The following NELL1 variants were observed in gnomAD, a reference collection of about 807,000 sequenced individuals.
The protein encoded by NELL1 is protein kinase C-binding protein NELL1.
Under a neutral mutation model 107.4 loss-of-function variants are expected in NELL1, and 76 were observed. That is an observed-to-expected ratio of 0.71 (90% CI 0.59 to 0.86). The LOEUF is 0.86. NELL1 is among the 40% of genes least tolerant of loss of function. The pLI is 0.00. For synonymous variants in NELL1, 353 were observed against 341.2 expected (o/e 1.03, Z -0.38); for missense variants, 1,024 against 1,005.5 (o/e 1.02, Z -0.25).
At chr11:21,473,983 A>C (rs188566690) in intron 15 of NELL1, among the ~76,000 whole-genome samples, 38 of 152,162 alleles carry the variant, frequency 2.5e-4, no homozygotes, top group Middle Eastern at 3.4e-3. Flanking sequence ...AATATTTCCT[A>C]AGTACTGTTA....
rs1047095256 is a variant in NELL1 at position 21,189,902 on chromosome 11, A to G, written c.1427-39430A>G. On this transcript the variant is annotated intron_variant, in intron 13 of 19. Coordinates refer to ENST00000357134, the MANE Select transcript of NELL1 (RefSeq NM_006157.5). ...ATGTTTGCTTATCACATTTAGCAGT[A>G]TTGAAACTGGAGCCCTAAGAATGGC... Among the ~76,000 whole-genome samples, 5 of 151,872 alleles carry G rather than the reference A, an allele frequency of 3.3e-5. No homozygotes were observed. In the East Asian group the frequency reaches 9.6e-4, roughly 29 times the overall value.
intron 13 of NELL1, among the ~76,000 whole-genome samples, chr11:21,147,380 C>G (rs2133780474): frequency 6.6e-6 from 1 of 152,188 alleles, no homozygotes; most frequent in East Asian, 1.9e-4. Context: ...ATAAATACTT[C>G]TGGGAATATA....
intron 12 of NELL1, among the ~76,000 whole-genome samples, chr11:21,085,119 GT>G (rs1489979967): frequency 1.3e-5 from 2 of 152,084 alleles, no homozygotes; most frequent in African/African-American, 4.8e-5. Flanking sequence ...GTGTTTACAT[GT>G]TTAGCTATTC....
intron 14 of NELL1, among the ~76,000 whole-genome samples, chr11:21,312,231 A>G (rs1849764654): frequency 6.6e-6 from 1 of 152,166 alleles, no homozygotes; most frequent in Admixed American, 6.6e-5. Flanking sequence ...CCACACAACT[A>G]ATGAGAGTTA....
chr11:20,891,242 A>G (rs1022894702), intron 5 of NELL1, among the ~76,000 whole-genome samples: 3 of 152,174 alleles, frequency 2.0e-5, no homozygotes, highest in African/African-American at 7.2e-5. Context: ...TCAACCCAGA[A>G]TTTCATATCC....
intron 15 of NELL1, among the ~76,000 whole-genome samples, chr11:21,486,450 A>C (rs563013456): frequency 7.9e-5 from 12 of 152,316 alleles, no homozygotes; most frequent in African/African-American, 2.4e-4. Flanking sequence ...CCACCCACCA[A>C]CAACATATCT....
In NELL1 at chr11:21,113,577, T is replaced by G. The variant is rs1855156547; in HGVS notation, c.1301-12T>G. The G allele has an allele frequency of 6.2e-7, 1 of 1,607,464 alleles. No individual in the cohort carries two copies. The highest frequency in any genetic ancestry group is 1.3e-5 in the African/African-American group (1 of 74,678). ...TTGCTAACCATGATCTTACTTATTTTTTTTCCTTCAGATATTGATGAGTGT... is the reference window on the plus strand; with the variant it reads ...TTGCTAACCATGATCTTACTTATTTGTTTTCCTTCAGATATTGATGAGTGT... On this transcript the variant is annotated splice_polypyrimidine_tract_variant and intron_variant, in intron 12 of 19. Transcript: ENST00000357134.
intron 12 of NELL1, among the ~76,000 whole-genome samples, chr11:20,966,276 G>C (rs1430335882): frequency 6.6e-6 from 1 of 152,142 alleles, no homozygotes; most frequent in African/African-American, 2.4e-5. Context: ...AGAGCAAGAA[G>C]TGGGCAAGAG....
chr11:21,173,721 A>G (rs1480681052), intron 13 of NELL1, among the ~76,000 whole-genome samples: 1 of 151,416 alleles, frequency 6.6e-6, no homozygotes, highest in African/African-American at 2.4e-5. Context: ...GTATGAATTG[A>G]CTTGATTATT....
chr11:21,499,954 T>C (rs139029112), intron 15 of NELL1, among the ~76,000 whole-genome samples: 106 of 152,224 alleles, frequency 7.0e-4, no homozygotes, highest in South Asian at 3.7e-3. Context: ...CTAGGACCTG[T>C]GAAGTTGCCA....
chr11:20,711,679 A>T (rs1185543363), intron 2 of NELL1, among the ~76,000 whole-genome samples: 1 of 151,394 alleles, frequency 6.6e-6, no homozygotes, highest in Non-Finnish European at 1.5e-5. Context: ...GCTGATAATT[A>T]TTTTTTTTCA....
chr11:21,174,011 C>G (rs1296894200), intron 13 of NELL1, among the ~76,000 whole-genome samples: 1 of 151,738 alleles, frequency 6.6e-6, no homozygotes, highest in African/African-American at 2.4e-5. Flanking sequence ...CCAGTAGCAA[C>G]TAAATGCTAT....
intron 12 of NELL1, among the ~76,000 whole-genome samples, chr11:21,053,554 G>T (rs921551956): frequency 5.9e-5 from 9 of 152,116 alleles, no homozygotes; most frequent in African/African-American, 2.2e-4. Context: ...AACACAGAGG[G>T]ATGCACTCAG....
intron 9 of NELL1, among the ~76,000 whole-genome samples, chr11:20,930,013 T>TA (rs1208161548): frequency 6.6e-6 from 1 of 152,018 alleles, no homozygotes; most frequent in East Asian, 1.9e-4. Context: ...AGGGATGTAT[T>TA]AAAAAATGTG....
At chr11:21,142,188 G>T (rs1333111213) in intron 13 of NELL1, among the ~76,000 whole-genome samples, 1 of 152,130 alleles carries the variant, frequency 6.6e-6, no homozygotes, top group East Asian at 1.9e-4. Flanking sequence ...TACCAGCTGG[G>T]GGCGTCTGCT....
At chr11:20,932,522 C>G (rs980709394) in intron 9 of NELL1, among the ~76,000 whole-genome samples, 1 of 152,160 alleles carries the variant, frequency 6.6e-6, no homozygotes, top group Non-Finnish European at 1.5e-5. Flanking sequence ...GGTCCTTCTG[C>G]CAAACACTTT....
chr11:20,791,999 A>T (rs1265769613), intron 3 of NELL1, among the ~76,000 whole-genome samples: 1 of 151,910 alleles, frequency 6.6e-6, no homozygotes, highest in Non-Finnish European at 1.5e-5. Context: ...TTTCTATTTT[A>T]TGGATTCGAT....
intron 2 of NELL1, among the ~76,000 whole-genome samples, chr11:20,746,999 T>G (rs886543774): frequency 1.3e-5 from 2 of 152,214 alleles, no homozygotes; most frequent in African/African-American, 4.8e-5. Flanking sequence ...TGACTGCAGT[T>G]AGCTGATTAT....
intron 15 of NELL1, among the ~76,000 whole-genome samples, chr11:21,462,210 G>A (rs1358266800): frequency 6.6e-6 from 1 of 152,022 alleles, no homozygotes; most frequent in Non-Finnish European, 1.5e-5. Context: ...AAATAAAGAA[G>A]AGCATACTAG....
Sources: allele counts gnomAD v4.1 joint callset (sites outside exome capture counted in the v4.1 genomes callset), GRCh38; gene constraint gnomAD v4.1.1; transcripts MANE v1.5; gene names NCBI Gene and HGNC (gene_info 2026-07-23, HGNC 2026-07-21).